TRIM2: variants seen among roughly 807,000 people sequenced by gnomAD.
The protein encoded by TRIM2 is tripartite motif containing 2, also known as tripartite motif-containing protein 2.
In TRIM2, 20 loss-of-function variants were observed where a neutral mutation model predicts 75.2. The observed-to-expected ratio is 0.27, with a 90% confidence interval of 0.19 to 0.39. TRIM2 has a LOEUF of 0.39. Ranked by LOEUF, TRIM2 falls within the 10% of genes least tolerant of loss-of-function variation. The pLI, the probability that TRIM2 is intolerant of heterozygous loss-of-function variation, is 1.00. For missense variants in TRIM2, 660 were observed against 990.8 expected, an observed-to-expected ratio of 0.67 and a Z score of 4.48; for synonymous variants, 373 against 388.3, an observed-to-expected ratio of 0.96 and a Z score of 0.46.
Position 153,293,265 on chromosome 4 carries a change from T to C in TRIM2, c.605+132T>C, listed in dbSNP as rs79403847. ...CAGGCTTTGTGGGTAAATAAGTTCTTTTATCATGGATTTGTTGTCATAAAC... is the reference window on the plus strand; with the variant it reads ...CAGGCTTTGTGGGTAAATAAGTTCTCTTATCATGGATTTGTTGTCATAAAC... On this transcript the variant is annotated intron_variant, in intron 4 of 11. Transcript: ENST00000338700. The C allele has an allele frequency of 3.2e-3, 3,039 of 938,536 alleles. 47 individuals are homozygous for C. In the African/African-American group the frequency reaches 0.045, roughly 14 times the overall value. The allele number at this position is 938,536 out of a possible 1,614,324, so 58.1% of individuals were successfully genotyped here. A position where few individuals can be genotyped will look rare whatever the true frequency, so the allele number is the denominator to read the frequency against.
intron 1 of TRIM2, among the ~76,000 whole-genome samples, chr4:153,186,478 C>A (rs911210337): frequency 1.3e-5 from 2 of 152,144 alleles, no homozygotes; most frequent in African/African-American, 4.8e-5. Context: ...AACTTTGAAC[C>A]ATTTCACCCT....
chr4:153,180,048 T>G (rs892867434), intron 1 of TRIM2, among the ~76,000 whole-genome samples: 22 of 152,326 alleles, frequency 1.4e-4, no homozygotes, highest in Non-Finnish European at 1.8e-4. Context: ...GGTGAGAAGA[T>G]GAGGACAGAT....
At chr4:153,163,153 C>T (rs1269454638) in intron 1 of TRIM2, among the ~76,000 whole-genome samples, 2 of 152,160 alleles carry the variant, frequency 1.3e-5, no homozygotes, top group African/African-American at 2.4e-5. Context: ...TATTGCTTCT[C>T]TAAAATTATA....
At chr4:153,276,991 A>G (rs1758175208) in intron 3 of TRIM2, among the ~76,000 whole-genome samples, 1 of 152,226 alleles carries the variant, frequency 6.6e-6, no homozygotes, top group South Asian at 2.1e-4. Context: ...TCATTTGTAT[A>G]TTGGTCACTT....
chr4:153,328,957 T>C (rs1469305087), intron 11 of TRIM2, among the ~76,000 whole-genome samples: 1 of 152,198 alleles, frequency 6.6e-6, no homozygotes, highest in African/African-American at 2.4e-5. Context: ...TTATTATATT[T>C]ATGAACCTCT....
intron 3 of TRIM2, among the ~76,000 whole-genome samples, chr4:153,290,838 C>T (rs968914761): frequency 6.6e-5 from 10 of 152,214 alleles, no homozygotes; most frequent in Admixed American, 5.2e-4. Flanking sequence ...TGTGGTTCCC[C>T]GGCTGGTCTC....
At chr4:153,199,669 C>T (rs545851917), upstream of TRIM2, among the ~76,000 whole-genome samples, 290 of 152,282 alleles carry the variant, frequency 1.9e-3, 3 homozygotes, top group African/African-American at 6.1e-3. Context: ...TCTACTGGCA[C>T]CCACCTGCCT....
Position 153,337,032 on chromosome 4 carries a change from G to A in TRIM2, c.*2066G>A, listed in dbSNP as rs1772533343. 3.1e-6 allele frequency: 3 copies of A among 982,328 alleles called. No homozygotes were observed. The highest frequency in any genetic ancestry group is 3.6e-6 in the Non-Finnish European group (3 of 827,240). The allele number at this position is 982,328 out of a possible 1,614,324, so 60.9% of individuals were successfully genotyped here. A position where few individuals can be genotyped will look rare whatever the true frequency, so the allele number is the denominator to read the frequency against. ...TTTTAGGCACTGGAAATACAGTGATGGACAAAACAGGTAAAAAATCGCTGC... is the reference window on the plus strand; with the variant it reads ...TTTTAGGCACTGGAAATACAGTGATAGACAAAACAGGTAAAAAATCGCTGC... On this transcript the variant is annotated 3_prime_UTR_variant, in exon 12 of 12. Coordinates refer to ENST00000338700, the MANE Select transcript of TRIM2 (RefSeq NM_015271.5).
At chr4:153,188,355 G>A (rs1217676614) in intron 1 of TRIM2, among the ~76,000 whole-genome samples, 1 of 152,186 alleles carries the variant, frequency 6.6e-6, no homozygotes, top group Non-Finnish European at 1.5e-5. Context: ...AGCTACTCAG[G>A]AGGCTGAGGT....
intron 1 of TRIM2, among the ~76,000 whole-genome samples, chr4:153,182,357 G>A (rs1732153351): frequency 6.6e-6 from 1 of 152,126 alleles, no homozygotes; most frequent in Admixed American, 6.5e-5. Flanking sequence ...TGGGACCTTG[G>A]GAAAAAGAGT....
At chr4:153,268,087 C>G (rs1755729469) in intron 1 of TRIM2, among the ~76,000 whole-genome samples, 1 of 152,146 alleles carries the variant, frequency 6.6e-6, no homozygotes, top group South Asian at 2.1e-4. Context: ...GCCTTCTGTT[C>G]CTGGGTGGGA....
rs1762397820 is a variant in TRIM2, at chr4:153,294,467, C to T, written c.768C>T (p.Asn256=). ...KSVLLMELEV[N]YGLKHKVLQS... ...TGCTGCTTATGGAATTGGAGGTCAA[C>T]TATGGCCTCAAACACAAAGTAAGAC... Residue 256 remains asparagine, a synonymous_variant, in exon 5 of 12, where the codon AAC becomes AAT. Coordinates refer to ENST00000338700, the MANE Select transcript of TRIM2 (RefSeq NM_015271.5). 3 of 1,613,794 alleles carry T rather than the reference C, an allele frequency of 1.9e-6. No homozygotes were observed. The highest frequency in any genetic ancestry group is 2.5e-6 in the Non-Finnish European group (3 of 1,179,848).
In TRIM2 at chr4:153,300,351, G is replaced by A. The variant is rs77711250; in HGVS notation, c.1510+4315G>A. Among the ~76,000 whole-genome samples the A allele has an allele frequency of 5.2e-3, 785 of 151,968 alleles. 11 individuals are homozygous for A. Among genetic ancestry groups the A allele is most frequent in the African/African-American group, 0.018 (749 of 41,446 alleles). Reference sequence around the variant, plus strand: ...TTTCCCCAGGCTGGAGTACAATGGCGAGGTCATGGCTCACTGCAACCTCAA... The same window carrying A: ...TTTCCCCAGGCTGGAGTACAATGGCAAGGTCATGGCTCACTGCAACCTCAA... On this transcript the variant is annotated intron_variant, in intron 6 of 11. Coordinates refer to ENST00000338700, the MANE Select transcript of TRIM2 (RefSeq NM_015271.5).
intron 1 of TRIM2, among the ~76,000 whole-genome samples, chr4:153,169,790 A>G (rs543330790): frequency 6.6e-5 from 10 of 152,372 alleles, no homozygotes; most frequent in African/African-American, 2.4e-4. Flanking sequence ...ATTGGAATGT[A>G]TTTGAATTTT....
intron 6 of TRIM2, among the ~76,000 whole-genome samples, chr4:153,302,138 G>T (rs1228531924): frequency 2.6e-5 from 4 of 151,806 alleles, no homozygotes; most frequent in East Asian, 1.9e-4. Flanking sequence ...GTTGTCTTCG[G>T]TTTTTTTCAT....
intron 1 of TRIM2, among the ~76,000 whole-genome samples, chr4:153,159,301 T>TTC (rs1729531351): frequency 7.3e-6 from 1 of 137,890 alleles, no homozygotes; most frequent in East Asian, 2.1e-4. Flanking sequence ...AAAATCTTTT[T>TTC]TTTTTTTTTT....
At position 153,293,101 on chromosome 4, in the gene TRIM2, G is replaced by A. The variant is rs376369145; in HGVS notation, c.573G>A (p.Ser191=). The change falls in exon 4 of 12, where the codon TCG becomes TCA. Residue 191 remains serine, a synonymous_variant. Coordinates refer to ENST00000338700, the MANE Select transcript of TRIM2 (RefSeq NM_015271.5). The stretch of plus-strand genomic sequence containing the variant: ...ATGTGGTGGAACAGCACAAGGCCTC[G>A]CTCCAGGTCCAGCTGGATGCTGTCA... ...LKDVVEQHKA[S]LQVQLDAVNK... is the part of the protein sequence containing the mutation. 3.5e-5 allele frequency: 57 copies of A among 1,611,452 alleles called. No individual in the cohort carries two copies. The highest frequency in any genetic ancestry group is 1.7e-4 in the Middle Eastern group (1 of 6,042).
intron 1 of TRIM2, among the ~76,000 whole-genome samples, chr4:153,244,275 TC>T (rs1747786382): frequency 1.6e-4 from 2 of 12,454 alleles, no homozygotes; most frequent in African/African-American, 7.9e-4. Flanking sequence ...CTCCTCCTCC[TC>T]CTCCTCCTCC....
In TRIM2 at chr4:153,339,133, G is replaced by A. The variant is rs906924532; in HGVS notation, c.*4167G>A. On this transcript the variant is annotated 3_prime_UTR_variant, in exon 12 of 12. Transcript: ENST00000338700. Reference sequence around the variant, plus strand: ...TGACTGCCTATTTAAAGAAAAGAATGAACGCTGTGCATCAAAGTGTTTGTA... The same window carrying A: ...TGACTGCCTATTTAAAGAAAAGAATAAACGCTGTGCATCAAAGTGTTTGTA... The A allele has an allele frequency of 4.3e-5, 42 of 985,670 alleles. No individual in the cohort carries two copies. The highest frequency in any genetic ancestry group is 4.9e-5 in the Non-Finnish European group (41 of 829,914). 61.1% of individuals were successfully genotyped at this position (985,670 alleles called of 1,614,324 possible).
Sources: allele counts gnomAD v4.1 joint callset (sites outside exome capture counted in the v4.1 genomes callset), GRCh38; gene constraint gnomAD v4.1.1; transcripts MANE v1.5; gene names NCBI Gene and HGNC (gene_info 2026-07-23, HGNC 2026-07-21).